Variants in RIMS2 observed in about 807,000 individuals in gnomAD.
The protein encoded by RIMS2 is regulating synaptic membrane exocytosis protein 2.
In RIMS2, 59 loss-of-function variants were observed where a neutral mutation model predicts 174.4. The ratio of observed to expected loss-of-function variants is 0.34; its 90% CI spans 0.27 to 0.42. The LOEUF is 0.42. Ranked by LOEUF, RIMS2 falls within the 10% of genes least tolerant of loss-of-function variation. The pLI is 1.00. For synonymous variants in RIMS2, 606 were observed against 572.5 expected, an observed-to-expected ratio of 1.06 and a Z score of -0.84; for missense variants, 1,620 against 1,666.3, an observed-to-expected ratio of 0.97 and a Z score of 0.48.
intron 1 of RIMS2, among the ~76,000 whole-genome samples, chr8:103,619,238 T>C (rs902814349): frequency 6.6e-6 from 1 of 150,886 alleles, no homozygotes; most frequent in African/African-American, 2.4e-5. Context: ...TTAGTAAAAT[T>C]TATTAGTGTC....
chr8:103,626,186 C>T (rs938860100), intron 1 of RIMS2, among the ~76,000 whole-genome samples: 1 of 152,074 alleles, frequency 6.6e-6, no homozygotes, highest in African/African-American at 2.4e-5. Context: ...ATGTTTCATT[C>T]AGATATTTGT....
intron 6 of RIMS2, 29 bp from the exon 10 acceptor site, chr8:103,915,466 C>A: frequency 1.5e-6 from 2 of 1,320,000 alleles, no homozygotes; most frequent in South Asian, 1.3e-5. Context: ...AACAATATTC[C>A]CATGTTAATA....
At chr8:104,188,267 A>ATAGG (rs1407637322) in intron 19 of RIMS2, among the ~76,000 whole-genome samples, 1 of 119,878 alleles carries the variant, frequency 8.3e-6, no homozygotes, top group African/African-American at 3.2e-5. Flanking sequence ...AGATAGATAG[A>ATAGG]TAGATGGATG....
chr8:103,589,968 T>C (rs1184406795), intron 1 of RIMS2, among the ~76,000 whole-genome samples: 1 of 151,306 alleles, frequency 6.6e-6, no homozygotes, highest in African/African-American at 2.4e-5. Flanking sequence ...GAGGTGGGAA[T>C]GGTTAATGGG....
intron 19 of RIMS2, among the ~76,000 whole-genome samples, chr8:104,175,279 T>A (rs1203554259): frequency 6.6e-6 from 1 of 152,206 alleles, no homozygotes; most frequent in Non-Finnish European, 1.5e-5. Flanking sequence ...TTTCTTTTTT[T>A]AAATTTCCTG....
intron 1 of RIMS2, among the ~76,000 whole-genome samples, chr8:103,599,434 G>GTA (rs1289071620): frequency 6.8e-6 from 1 of 146,586 alleles, no homozygotes; most frequent in Non-Finnish European, 1.5e-5. Context: ...ATATATATGT[G>GTA]TATATATATA....
rs1378282119 is a variant in RIMS2 at position 103,606,924 on chromosome 8, C to T, written c.177-90162C>T. On this transcript the variant is annotated intron_variant, in intron 1 of 23. Coordinates refer to ENST00000504942, the Ensembl canonical transcript of RIMS2. ...GCACGTGAGATGGGTTTCCTGAATA[C>T]AGCACACTGATGAGTCTTGACTCTT... Among the ~76,000 whole-genome samples, 4 of 151,940 alleles carry T rather than the reference C, an allele frequency of 2.6e-5. No homozygotes were observed. The East Asian group carries it at 7.7e-4, about 29-fold the overall frequency.
intron 1 of RIMS2, among the ~76,000 whole-genome samples, chr8:103,582,576 C>G (rs2093679125): frequency 6.6e-6 from 1 of 152,134 alleles, no homozygotes; most frequent in Non-Finnish European, 1.5e-5. Context: ...GGGTGAGTCC[C>G]AGGCCAGGCA....
intron 1 of RIMS2, among the ~76,000 whole-genome samples, chr8:103,657,800 G>A (rs10110452): frequency 0.06 from 9,083 of 152,202 alleles, 905 homozygotes; most frequent in African/African-American, 0.2. Context: ...GGTTGATACA[G>A]CTGGGTTCTG....
chr8:103,612,588 T>C (rs1252859537), intron 1 of RIMS2, among the ~76,000 whole-genome samples: 2 of 150,644 alleles, frequency 1.3e-5, no homozygotes, highest in Non-Finnish European at 3.0e-5. Flanking sequence ...TTTCTTTTTT[T>C]CCCCCCTCTA....
chr8:104,008,803 TC>T (rs1318593082), intron 17 of RIMS2, among the ~76,000 whole-genome samples: 1 of 152,062 alleles, frequency 6.6e-6, no homozygotes, highest in African/African-American at 2.4e-5. Flanking sequence ...ATTGTTGTCA[TC>T]TTTGAATAAG....
chr8:103,962,587 C>T lies in RIMS2; in HGVS notation c.2770+1454C>T, dbSNP rs560734206. Among the ~76,000 whole-genome samples the T allele has an allele frequency of 3.3e-5, 5 of 152,158 alleles. No homozygotes were observed. The South Asian group carries it at 8.3e-4, about 25-fold the overall frequency. On this transcript the variant is annotated intron_variant, in intron 15 of 23. Transcript: ENST00000504942. ...ATGCGATTTTGAGAAATAGATTTTT[C>T]GTAATATACTACACTTTATTTTTTA... is the stretch of plus-strand genomic sequence containing the variant.
intron 3 of RIMS2, among the ~76,000 whole-genome samples, chr8:103,815,131 T>A (rs766256023): frequency 6.6e-6 from 1 of 152,188 alleles, no homozygotes; most frequent in Non-Finnish European, 1.5e-5. Context: ...ATCAATATTA[T>A]CATTTTGGTT....
At chr8:104,069,745 G>A (rs538291201) in intron 19 of RIMS2, among the ~76,000 whole-genome samples, 51 of 152,174 alleles carry the variant, frequency 3.4e-4, no homozygotes, top group African/African-American at 9.6e-4. Flanking sequence ...GATTACAAGC[G>A]TGAGCCACTG....
At chr8:103,921,002 GCAA>G (rs112922890) in intron 9 of RIMS2, 15,523 of 196,424 alleles carry the variant, frequency 0.079, 1,737 homozygotes, top group African/African-American at 0.29. Flanking sequence ...CTGTCTCAAA[GCAA>G]CAACAACAAC....
At chr8:103,744,347 A>T (rs937076934) in intron 2 of RIMS2, among the ~76,000 whole-genome samples, 35 of 152,056 alleles carry the variant, frequency 2.3e-4, no homozygotes, top group African/African-American at 8.0e-4. Context: ...CCCAGCTAGG[A>T]TTTTTATATT....
intron 3 of RIMS2, among the ~76,000 whole-genome samples, chr8:103,778,690 G>T (rs918112689): frequency 2.0e-5 from 3 of 152,082 alleles, no homozygotes; most frequent in Admixed American, 2.0e-4. Flanking sequence ...TTTGGCTATT[G>T]TGAATAGTGC....
chr8:103,892,861 G>A (rs1323837861), intron 4 of RIMS2, among the ~76,000 whole-genome samples: 1 of 151,926 alleles, frequency 6.6e-6, no homozygotes, highest in Non-Finnish European at 1.5e-5. Context: ...ATTCAGTAGA[G>A]GATGCCTAGA....
At chr8:104,094,651 A>G (rs1400773698) in intron 19 of RIMS2, 4 of 702,124 alleles carry the variant, frequency 5.7e-6, no homozygotes, top group Admixed American at 2.0e-5. Context: ...AAAACACAAG[A>G]TATACACGAG....
Sources: gnomAD v4.1 joint callset for allele counts (sites outside exome capture counted in the v4.1 genomes callset) on GRCh38, gnomAD v4.1.1 for gene constraint, MANE v1.5 for transcripts, NCBI Gene and HGNC (gene_info 2026-07-23, HGNC 2026-07-21) for gene names.